CSNK1G3: variants seen among roughly 807,000 people sequenced by gnomAD.
CSNK1G3 encodes the protein casein kinase 1 gamma 3.
A neutral mutation model predicts 64.3 loss-of-function variants in CSNK1G3; 23 were observed. The observed-to-expected ratio is 0.36, with a 90% CI of 0.26 to 0.51. The LOEUF (loss-of-function observed/expected upper bound fraction) is 0.51. Among genes scored for constraint, CSNK1G3 ranks in the 20% least tolerant of loss-of-function variants. CSNK1G3 has a pLI of 0.96. For missense variants in CSNK1G3, 357 were observed against 510.5 expected (o/e 0.70, Z 2.90); for synonymous variants, 158 against 162.2 (o/e 0.97, Z 0.20).
intron 4 of CSNK1G3, among the ~76,000 whole-genome samples, chr5:123,558,392 G>T (rs1391015167): frequency 6.6e-6 from 1 of 152,136 alleles, no homozygotes; most frequent in Non-Finnish European, 1.5e-5. Flanking sequence ...GGTTCTCACA[G>T]CACTTTTCTG....
intron 4 of CSNK1G3, among the ~76,000 whole-genome samples, chr5:123,565,979 T>C (rs1291528279): frequency 1.3e-5 from 2 of 152,160 alleles, no homozygotes; most frequent in African/African-American, 2.4e-5. Context: ...ACCCAAACTA[T>C]ATCACTGTTT....
intron 4 of CSNK1G3, among the ~76,000 whole-genome samples, chr5:123,566,666 T>G (rs947194706): frequency 6.6e-6 from 1 of 152,180 alleles, no homozygotes; most frequent in East Asian, 1.9e-4. Flanking sequence ...CTTAAAAATT[T>G]AAGTTGTTTG....
At chr5:123,519,202 C>T (rs191071290) in intron 1 of CSNK1G3, among the ~76,000 whole-genome samples, 72 of 151,632 alleles carry the variant, frequency 4.7e-4, no homozygotes, top group African/African-American at 1.6e-3. Context: ...TACAGGCAGT[C>T]GCCACCTTTC....
At position 123,601,777 on chromosome 5, in the gene CSNK1G3, C is replaced by T. The variant is rs1794542493; in HGVS notation, c.1087-2947C>T. The stretch of plus-strand genomic sequence containing the variant: ...GTTGAGGTGGCATCCCGCTAGCTGT[C>T]TAGGGCCATTGAACTAAAGGGAGAA... On this transcript the variant is annotated intron_variant, in intron 10 of 12. Transcript: ENST00000345990. Among the ~76,000 whole-genome samples the T allele has an allele frequency of 6.6e-5, 10 of 152,154 alleles. No homozygotes were observed. In the South Asian group the frequency reaches 1.9e-3, roughly 28 times the overall value.
intron 6 of CSNK1G3, among the ~76,000 whole-genome samples, 192 bp downstream of exon 6, chr5:123,576,155 T>C (rs1354118699): frequency 6.6e-6 from 1 of 152,196 alleles, no homozygotes; most frequent in Non-Finnish European, 1.5e-5. Context: ...TACTATAGAG[T>C]AAATGAGTGA....
chr5:123,564,506 A>G lies in CSNK1G3; in HGVS notation c.289+6942A>G, dbSNP rs141358942. On this transcript the variant is annotated intron_variant, in intron 4 of 12. Coordinates refer to ENST00000345990, the Ensembl canonical transcript of CSNK1G3. ...GTTATATAATGCATTGTAAGAAGAA[A>G]AGATTTGTAAGCTTGTAGCTTAGGG... is the stretch of plus-strand genomic sequence containing the variant. Among the ~76,000 whole-genome samples the G allele has an allele frequency of 9.1e-4, 139 of 152,198 alleles. 1 individual carries two copies. The highest frequency in any genetic ancestry group is 2.3e-3 in the South Asian group (11 of 4,830).
chr5:123,543,931 A>T (rs757919571), intron 1 of CSNK1G3, among the ~76,000 whole-genome samples: 20 of 152,174 alleles, frequency 1.3e-4, no homozygotes, highest in Non-Finnish European at 7.4e-5. Flanking sequence ...GTGGAATCCT[A>T]ATTAGGGAAA....
At chr5:123,525,520 C>A (rs1036633377) in intron 1 of CSNK1G3, among the ~76,000 whole-genome samples, 4 of 152,050 alleles carry the variant, frequency 2.6e-5, no homozygotes. Context: ...GTCTCAACTT[C>A]CTGACCTCAA....
At chr5:123,526,441 C>CT (rs200044999) in intron 1 of CSNK1G3, among the ~76,000 whole-genome samples, 277 of 150,520 alleles carry the variant, frequency 1.8e-3, no homozygotes, top group African/African-American at 5.2e-3. Context: ...GAAATATTCT[C>CT]TTTTTTTTTA....
chr5:123,610,807 C>T (rs1374302669), intron 12 of CSNK1G3, among the ~76,000 whole-genome samples: 1 of 151,928 alleles, frequency 6.6e-6, no homozygotes, highest in African/African-American at 2.4e-5. Flanking sequence ...GAGATGTTGT[C>T]TCCACTAAAA....
intron 4 of CSNK1G3, among the ~76,000 whole-genome samples, chr5:123,565,710 C>T (rs1786728227): frequency 6.6e-6 from 1 of 152,136 alleles, no homozygotes; most frequent in South Asian, 2.1e-4. Flanking sequence ...TGTTCAGCTT[C>T]TGGTAAGGCC....
At chr5:123,593,190 T>G (rs1228943805) in intron 10 of CSNK1G3, among the ~76,000 whole-genome samples, 2 of 112,690 alleles carry the variant, frequency 1.8e-5, no homozygotes, top group African/African-American at 3.7e-5. Context: ...AGGGTGGGTG[T>G]GTGTGTATAT....
At chr5:123,591,519 AATAG>A (rs1792364189) in intron 10 of CSNK1G3, 105 bp downstream of exon 10, 1 of 578,020 alleles carries the variant, frequency 1.7e-6, no homozygotes, top group East Asian at 3.3e-5. Flanking sequence ...ACATATTTTT[AATAG>A]ATAATCTATT....
chr5:123,521,336 C>T (rs896437147), intron 1 of CSNK1G3, among the ~76,000 whole-genome samples: 1 of 152,010 alleles, frequency 6.6e-6, no homozygotes, highest in Non-Finnish European at 1.5e-5. Context: ...CTTTTTCTGT[C>T]ATACGAGTAT....
At chr5:123,594,609 A>G (rs923706468) in intron 10 of CSNK1G3, among the ~76,000 whole-genome samples, 4 of 152,164 alleles carry the variant, frequency 2.6e-5, no homozygotes, top group African/African-American at 9.6e-5. Flanking sequence ...CATCATTTGT[A>G]CCTTGCTAAA....
At chr5:123,591,665 A>G (rs983229370) in intron 10 of CSNK1G3, among the ~76,000 whole-genome samples, 2 of 152,108 alleles carry the variant, frequency 1.3e-5, no homozygotes, top group Non-Finnish European at 2.9e-5. Flanking sequence ...AAGTATTTGG[A>G]TACCCTATTA....
At chr5:123,569,506 T>C (rs544491988) in intron 4 of CSNK1G3, among the ~76,000 whole-genome samples, 1 of 152,320 alleles carries the variant, frequency 6.6e-6, no homozygotes, top group African/African-American at 2.4e-5. Flanking sequence ...CACTGGTTCA[T>C]TGAGTTATGC....
At chr5:123,568,325 G>A (rs1398845643) in intron 4 of CSNK1G3, among the ~76,000 whole-genome samples, 1 of 152,120 alleles carries the variant, frequency 6.6e-6, no homozygotes, top group Non-Finnish European at 1.5e-5. Flanking sequence ...GTTTGGCTCT[G>A]GGAAGTGCTT....
At chr5:123,536,425 C>T (rs1246905583) in intron 1 of CSNK1G3, among the ~76,000 whole-genome samples, 1 of 134,556 alleles carries the variant, frequency 7.4e-6, no homozygotes, top group African/African-American at 2.7e-5. Context: ...ATATGAAGGG[C>T]TTTTTTTTTT....
Sources: gnomAD v4.1 joint callset for allele counts (sites outside exome capture counted in the v4.1 genomes callset) on GRCh38, gnomAD v4.1.1 for gene constraint, MANE v1.5 for transcripts, NCBI Gene and HGNC (gene_info 2026-07-23, HGNC 2026-07-21) for gene names.